The following SLC25A21 variants were observed in gnomAD, a reference collection of about 807,000 sequenced individuals.
SLC25A21 encodes solute carrier family 25 member 21.
SLC25A21 carries 47 observed loss-of-function variants against 43.8 expected under a neutral mutation model. That is an observed-to-expected ratio of 1.07 (90% CI 0.85 to 1.37). SLC25A21 has a LOEUF of 1.37. Among genes scored for constraint, SLC25A21 ranks in the 40% most tolerant of loss-of-function variants. The pLI, the probability that SLC25A21 is intolerant of heterozygous loss-of-function variation, is 0.00. For synonymous variants in SLC25A21, 131 were observed against 121.3 expected, an observed-to-expected ratio of 1.08 and a Z score of -0.52; for missense variants, 352 against 350.2, an observed-to-expected ratio of 1.00 and a Z score of -0.04.
intron 1 of SLC25A21, among the ~76,000 whole-genome samples, chr14:37,121,023 G>C (rs1208761881): frequency 6.6e-6 from 1 of 152,060 alleles, no homozygotes; most frequent in Non-Finnish European, 1.5e-5. Context: ...ACATTTCTTC[G>C]CAAAAAGTAT....
At chr14:36,996,413 G>A (rs1348919211) in intron 1 of SLC25A21, among the ~76,000 whole-genome samples, 4 of 152,264 alleles carry the variant, frequency 2.6e-5, no homozygotes, top group Admixed American at 1.3e-4. Context: ...GGAGCCAGAC[G>A]ACCAGGTTTC....
intron 1 of SLC25A21, among the ~76,000 whole-genome samples, chr14:37,162,978 C>T (rs1208309524): frequency 1.3e-5 from 2 of 152,148 alleles, no homozygotes; most frequent in Admixed American, 1.3e-4. Context: ...ATGATAAGTT[C>T]ATGTCCTTTG....
chr14:36,761,654 T>C (rs1886161803), intron 3 of SLC25A21, among the ~76,000 whole-genome samples: 1 of 152,240 alleles, frequency 6.6e-6, no homozygotes, highest in Non-Finnish European at 1.5e-5. Flanking sequence ...TCTTAGGATA[T>C]ATTTGCATAT....
intron 2 of SLC25A21, among the ~76,000 whole-genome samples, chr14:36,855,621 G>A (rs1327034492): frequency 6.6e-6 from 1 of 152,128 alleles, no homozygotes; most frequent in African/African-American, 2.4e-5. Context: ...AACAGTATGA[G>A]CAACTGTGGG....
At chr14:36,871,707 C>A (rs2138550334) in intron 2 of SLC25A21, among the ~76,000 whole-genome samples, 1 of 152,244 alleles carries the variant, frequency 6.6e-6, no homozygotes, top group South Asian at 2.1e-4. Context: ...TTAAATGACA[C>A]AGTATTCCGA....
intron 1 of SLC25A21, among the ~76,000 whole-genome samples, chr14:36,914,756 T>C (rs914438288): frequency 2.0e-5 from 3 of 152,168 alleles, no homozygotes; most frequent in African/African-American, 7.2e-5. Flanking sequence ...GTTGCAGGCA[T>C]GGAAGTATTT....
intron 1 of SLC25A21, among the ~76,000 whole-genome samples, chr14:37,005,651 T>C (rs1357073583): frequency 6.6e-6 from 1 of 152,080 alleles, no homozygotes; most frequent in African/African-American, 2.4e-5. Context: ...CATTCCCTTA[T>C]GGATCAACAT....
At position 36,897,801 on chromosome 14, in the gene SLC25A21, C is replaced by G. The variant is rs544444648; in HGVS notation, c.71-22797G>C. On this transcript the variant is annotated intron_variant, in intron 1 of 9. Coordinates refer to ENST00000331299, the MANE Select transcript of SLC25A21 (RefSeq NM_030631.4). ...TGTTGGAGTTTGCTGGAGGTCCACTCCAGACACTGTTTGCCTGGGTATCAG... is the reference window on the plus strand; with the variant it reads ...TGTTGGAGTTTGCTGGAGGTCCACTGCAGACACTGTTTGCCTGGGTATCAG... 2.6e-5 allele frequency among the ~76,000 whole-genome samples: 4 copies of G among 152,330 alleles called. No homozygotes were observed. In the South Asian group the frequency reaches 8.3e-4, roughly 32 times the overall value.
At chr14:36,716,533 TA>T (rs1884143270) in intron 6 of SLC25A21, among the ~76,000 whole-genome samples, 1 of 152,132 alleles carries the variant, frequency 6.6e-6, no homozygotes, top group South Asian at 2.1e-4. Flanking sequence ...ATATATCTAA[TA>T]AAATATATTT....
chr14:37,024,864 G>T (rs905935206), intron 1 of SLC25A21, among the ~76,000 whole-genome samples: 2 of 151,870 alleles, frequency 1.3e-5, no homozygotes, highest in Non-Finnish European at 2.9e-5. Context: ...GAGAAAAAAA[G>T]GTTTTTATTG....
chr14:37,170,504 G>A (rs1005194497), intron 1 of SLC25A21, among the ~76,000 whole-genome samples: 4 of 152,120 alleles, frequency 2.6e-5, no homozygotes, highest in Non-Finnish European at 5.9e-5. Flanking sequence ...CAGGGTCATA[G>A]ACTACAAATC....
At chr14:37,166,711 T>C (rs1255102969) in intron 1 of SLC25A21, among the ~76,000 whole-genome samples, 3 of 152,212 alleles carry the variant, frequency 2.0e-5, no homozygotes, top group Non-Finnish European at 4.4e-5. Context: ...TGGAAACACT[T>C]ATGCAGAAAA....
chr14:36,733,742 A>C (rs1052121472), intron 4 of SLC25A21, among the ~76,000 whole-genome samples: 2 of 152,192 alleles, frequency 1.3e-5, no homozygotes, highest in African/African-American at 4.8e-5. Context: ...ACAAAGCCTT[A>C]TTTGGTGATG....
intron 7 of SLC25A21, among the ~76,000 whole-genome samples, chr14:36,697,377 G>T (rs1013177376): frequency 1.3e-5 from 2 of 152,184 alleles, no homozygotes; most frequent in East Asian, 3.9e-4. Context: ...TGAGAAGAAT[G>T]TATATTCTGT....
At chr14:36,824,040 G>A (rs1224149233) in intron 2 of SLC25A21, among the ~76,000 whole-genome samples, 4 of 152,190 alleles carry the variant, frequency 2.6e-5, no homozygotes, top group African/African-American at 9.7e-5. Flanking sequence ...ATGCACTAGA[G>A]AACAGGAGCC....
intron 2 of SLC25A21, among the ~76,000 whole-genome samples, chr14:36,839,063 T>C (rs1889300641): frequency 6.6e-6 from 1 of 152,266 alleles, no homozygotes; most frequent in Non-Finnish European, 1.5e-5. Context: ...ATTTGATGTT[T>C]CTTTTAAAGG....
intron 1 of SLC25A21, among the ~76,000 whole-genome samples, chr14:37,169,764 A>G (rs1233853477): frequency 6.6e-6 from 1 of 152,102 alleles, no homozygotes; most frequent in Non-Finnish European, 1.5e-5. Context: ...CATGTACTAC[A>G]GTGCAATAAA....
At chr14:37,133,733 C>A (rs1485096185) in intron 1 of SLC25A21, among the ~76,000 whole-genome samples, 1 of 152,128 alleles carries the variant, frequency 6.6e-6, no homozygotes, top group African/African-American at 2.4e-5. Flanking sequence ...TCATGCTAAA[C>A]CTGTTGTCCC....
intron 1 of SLC25A21, among the ~76,000 whole-genome samples, chr14:36,947,673 T>G (rs1892709077): frequency 6.6e-6 from 1 of 152,214 alleles, no homozygotes; most frequent in African/African-American, 2.4e-5. Flanking sequence ...TTTGTGCCAT[T>G]GAAACCAGAG....
Sources: allele counts gnomAD v4.1 joint callset (sites outside exome capture counted in the v4.1 genomes callset), GRCh38; gene constraint gnomAD v4.1.1; transcripts MANE v1.5; gene names NCBI Gene and HGNC (gene_info 2026-07-23, HGNC 2026-07-21).